Variants in STRIP1 observed in about 807,000 individuals in gnomAD.
STRIP1 encodes striatin interacting protein 1, also known as striatin-interacting protein 1.
In STRIP1, 63 loss-of-function variants were observed where a neutral mutation model predicts 106.2. The ratio of observed to expected loss-of-function variants is 0.59; its 90% CI spans 0.48 to 0.73. STRIP1 has a LOEUF of 0.73. STRIP1 is among the 30% of genes least tolerant of loss of function. The pLI, the probability that STRIP1 is intolerant of heterozygous loss-of-function variation, is 0.00. For missense variants in STRIP1, 857 were observed against 1,074.8 expected, an observed-to-expected ratio of 0.80 and a Z score of 2.83; for synonymous variants, 390 against 413.0, an observed-to-expected ratio of 0.94 and a Z score of 0.67.
chr1:110,050,276 C>T, intron 17 of STRIP1, 67 bp from the exon 18 acceptor site: 1 of 1,518,750 alleles, frequency 6.6e-7, no homozygotes, highest in Non-Finnish European at 9.1e-7. Context: ...CTGGCTCAGG[C>T]ACGGCTGCTC....
upstream of STRIP1, among the ~76,000 whole-genome samples, chr1:110,033,819 C>T (rs1032574164): frequency 6.6e-6 from 1 of 152,258 alleles, no homozygotes; most frequent in Non-Finnish European, 1.5e-5. Flanking sequence ...GCACCCTGTC[C>T]TGCTTTCAGC....
intron 16 of STRIP1, 50 bp from the exon 17 acceptor site, chr1:110,049,410 G>T: frequency 2.6e-6 from 4 of 1,551,666 alleles, no homozygotes; most frequent in Non-Finnish European, 3.5e-6. Context: ...AGAGGGCAAG[G>T]TCCCAAGGGC....
At position 110,045,149 on chromosome 1, in the gene STRIP1, G is replaced by T. The variant is rs1207370155; in HGVS notation, c.1416+71G>T. The T allele has an allele frequency of 6.9e-6, 10 of 1,441,600 alleles. No homozygotes were observed. The East Asian group carries it at 2.0e-4, about 30-fold the overall frequency. The allele number at this position is 1,441,600 out of a possible 1,614,324, so 89.3% of individuals were successfully genotyped here. Reference sequence around the variant, plus strand: ...GTAGAGTGAAACCAGCCTGTAGGGAGAAGCCTTTTAAGACTGTTGTCTGCC... The same window carrying T: ...GTAGAGTGAAACCAGCCTGTAGGGATAAGCCTTTTAAGACTGTTGTCTGCC... On this transcript the variant is annotated intron_variant, in intron 12 of 20. Transcript: ENST00000369795.
At chr1:110,051,496 T>C (rs1484920079) in intron 19 of STRIP1, among the ~76,000 whole-genome samples, 187 bp from the exon 20 acceptor site, 1 of 152,204 alleles carries the variant, frequency 6.6e-6, no homozygotes, top group Non-Finnish European at 1.5e-5. Flanking sequence ...CCATCCTGGT[T>C]TGTCTGGAAC....
chr1:110,050,847 G>A (rs942739655), intron 18 of STRIP1, 109 bp from the exon 19 acceptor site: 4 of 694,198 alleles, frequency 5.8e-6, no homozygotes, highest in African/African-American at 1.8e-5. Context: ...GGGATTCCTG[G>A]TAGAGGCCTG....
upstream of STRIP1, among the ~76,000 whole-genome samples, chr1:110,034,396 AG>A (rs1277246158): frequency 2.0e-5 from 3 of 152,330 alleles, no homozygotes; most frequent in East Asian, 5.8e-4. Flanking sequence ...GAAGAAGCTA[AG>A]GGAAGCCTCA....
rs2101783562 is a variant in STRIP1, at chr1:110,049,555, G to A, written c.1884G>A (p.Lys628=). The part of the protein sequence containing the change: ...NQNIMSYITA[K]NSISVLDYPH... ...ACATCATGTCCTACATCACTGCCAAGAACAGGTGATGAGGGCCAGGGACCA... is the reference window on the plus strand; with the variant it reads ...ACATCATGTCCTACATCACTGCCAAAAACAGGTGATGAGGGCCAGGGACCA... Residue 628 remains lysine, a synonymous_variant, in exon 17 of 21, where the codon AAG becomes AAA. Transcript: ENST00000369795. 1 of 1,608,190 alleles carries A rather than the reference G, an allele frequency of 6.2e-7. No individual in the cohort carries two copies. The highest frequency in any genetic ancestry group is 8.5e-7 in the Non-Finnish European group (1 of 1,176,174).
chr1:110,049,532 A>G lies in STRIP1; in HGVS notation c.1861A>G (p.Ile621Val), dbSNP rs1319751309. 6.2e-7 allele frequency: 1 copy of G among 1,613,340 alleles called. No homozygotes were observed. The highest frequency in any genetic ancestry group is 2.2e-5 in the East Asian group (1 of 44,852). The change falls in exon 17 of 21, where the codon ATC becomes GTC. Residue 621 changes from isoleucine to valine, a missense_variant. Coordinates refer to ENST00000369795, the MANE Select transcript of STRIP1 (RefSeq NM_033088.4). Reference protein sequence around the residue: ...PLILKFFNQNIMSYITAKNSI... With the variant: ...PLILKFFNQNVMSYITAKNSI... ...GATCCTAAAGTTCTTCAATCAAAACATCATGTCCTACATCACTGCCAAGAA... is the reference window on the plus strand; with the variant it reads ...GATCCTAAAGTTCTTCAATCAAAACGTCATGTCCTACATCACTGCCAAGAA...
Position 110,051,733 on chromosome 1 carries a change from G to A in STRIP1, c.2112G>A (p.Val704=), listed in dbSNP as rs989559960. 4 of 1,613,278 alleles carry A rather than the reference G, an allele frequency of 2.5e-6. No homozygotes were observed. In the East Asian group the frequency reaches 8.9e-5, roughly 36 times the overall value. Residue 704 remains valine (V), a synonymous_variant, in exon 20 of 21, where the codon GTG becomes GTA. Coordinates refer to ENST00000369795, the MANE Select transcript of STRIP1 (RefSeq NM_033088.4). ...CCATCTTGAAGCGGGCCCTAAAGGT[G>A]AAACAAGCCATGATGCAGCTCTATG... The part of the protein sequence containing the change: ...SAPILKRALK[V]KQAMMQLYVL...
chr1:110,052,587 A>G (rs1653348952), intron 20 of STRIP1, among the ~76,000 whole-genome samples: 1 of 151,664 alleles, frequency 6.6e-6, no homozygotes, highest in Non-Finnish European at 1.5e-5. Context: ...CTCCCCCCTC[A>G]GCCTCCCAAG....
intron 17 of STRIP1, chr1:110,050,052 T>G (rs11102049): frequency 1 from 437,167 of 437,602 alleles, 218,367 homozygotes; most frequent in East Asian, 1. Context: ...TGCCCTGAGC[T>G]ATCTCCTCCC....
At chr1:110,039,132 T>C in intron 3 of STRIP1, 40 bp from the exon 4 acceptor site, 2 of 1,608,832 alleles carry the variant, frequency 1.2e-6, no homozygotes, top group Non-Finnish European at 8.5e-7. Context: ...ATTGTGAGGA[T>C]TTTTCTAGGC....
chr1:110,036,525 G>C (rs1652463404), intron 1 of STRIP1, among the ~76,000 whole-genome samples: 1 of 152,170 alleles, frequency 6.6e-6, no homozygotes, highest in South Asian at 2.1e-4. Context: ...TTTAAGCAGA[G>C]ACCTGTCTAA....
chr1:110,047,937 C>T, intron 15 of STRIP1, 68 bp downstream of exon 15: 1 of 1,362,888 alleles, frequency 7.3e-7, no homozygotes, highest in South Asian at 1.3e-5. Flanking sequence ...ACATTTTCCT[C>T]TTGTCAGGTT....
At chr1:110,045,668 A>G (rs1431463736) in intron 12 of STRIP1, among the ~76,000 whole-genome samples, 1 of 152,144 alleles carries the variant, frequency 6.6e-6, no homozygotes, top group East Asian at 1.9e-4. Context: ...TTAAGAACAC[A>G]GCAGTAGTGT....
rs1220801949 is a variant in STRIP1 at position 110,043,260 on chromosome 1, G to A, written c.1058G>A (p.Arg353Gln). The A allele has an allele frequency of 7.5e-6, 12 of 1,610,646 alleles. No individual in the cohort carries two copies. Among genetic ancestry groups the A allele is most frequent in the East Asian group, 2.2e-5 (1 of 44,878 alleles). The change falls in exon 9 of 21, where the codon CGA becomes CAA. Residue 353 changes from arginine to glutamine, a missense_variant. Transcript: ENST00000369795. ...GAGCAGCAGCAGAAACGGGGCCGCCGAGAGCACAAGGTGAGGACGACAGAG... is the reference window on the plus strand; with the variant it reads ...GAGCAGCAGCAGAAACGGGGCCGCCAAGAGCACAAGGTGAGGACGACAGAG... ...LIEQQQKRGR[R>Q]EHKALIKQDN...
Position 110,041,714 on chromosome 1 carries a change from T to TA in STRIP1, c.758-19dup. On this transcript the variant is annotated intron_variant, in intron 7 of 20. Transcript: ENST00000369795. ...GCGGAAGGCTTTGGGAGGGTCCTGA[T>TA]ACCTTTGTGTCACCTCCAGGCTCCC... The TA allele has an allele frequency of 1.9e-6, 3 of 1,614,142 alleles. No homozygotes were observed. Among genetic ancestry groups the TA allele is most frequent in the Non-Finnish European group, 2.5e-6 (3 of 1,179,998 alleles).
At chr1:110,044,974 T>G (rs1337582640) in intron 11 of STRIP1, 41 bp from the exon 12 acceptor site, 1 of 1,613,650 alleles carries the variant, frequency 6.2e-7, no homozygotes, top group African/African-American at 1.3e-5. Flanking sequence ...CCCAGGTGAT[T>G]TGATGTCGAG....
intron 5 of STRIP1, chr1:110,039,873 C>G: frequency 7.7e-7 from 1 of 1,297,490 alleles, no homozygotes; most frequent in East Asian, 5.4e-5. Flanking sequence ...AGGCCAGGCA[C>G]AAGACTGACA....
Sources: allele counts gnomAD v4.1 joint callset (sites outside exome capture counted in the v4.1 genomes callset), GRCh38; gene constraint gnomAD v4.1.1; transcripts MANE v1.5; gene names NCBI Gene and HGNC (gene_info 2026-07-23, HGNC 2026-07-21).